The following METTL16 variants were observed in gnomAD, a reference collection of about 807,000 sequenced individuals.
METTL16 encodes RNA N(6)-adenosine-methyltransferase METTL16.
METTL16 carries 19 observed loss-of-function variants against 57.9 expected under a neutral mutation model. The ratio of observed to expected loss-of-function variants is 0.33; its 90% CI spans 0.23 to 0.48. The LOEUF is 0.48. Among genes scored for constraint, METTL16 ranks in the 20% least tolerant of loss-of-function variants. METTL16 has a pLI of 0.99. For missense variants in METTL16, 434 were observed against 691.5 expected (o/e 0.63, Z 4.18); for synonymous variants, 246 against 255.6 (o/e 0.96, Z 0.36).
chr17:2,468,927 G>T (rs1005845443), intron 4 of METTL16, among the ~76,000 whole-genome samples: 2 of 130,120 alleles, frequency 1.5e-5, no homozygotes, highest in African/African-American at 6.2e-5. Flanking sequence ...GTGTGTGTGT[G>T]TTTTTTTTTT....
intron 6 of METTL16, among the ~76,000 whole-genome samples, chr17:2,461,617 C>G (rs373964631): frequency 6.8e-6 from 1 of 147,204 alleles, no homozygotes; most frequent in African/African-American, 2.5e-5. Context: ...CACTCTGTCA[C>G]CCAGGCTGGA....
intron 1 of METTL16, among the ~76,000 whole-genome samples, chr17:2,506,357 T>C (rs2067534347): frequency 6.7e-6 from 1 of 149,718 alleles, no homozygotes; most frequent in Non-Finnish European, 1.5e-5. Context: ...ACTGTGCTGC[T>C]GCCATCTCGG....
chr17:2,449,355 A>G (rs969074972), intron 6 of METTL16, among the ~76,000 whole-genome samples: 1 of 152,160 alleles, frequency 6.6e-6, no homozygotes, highest in Non-Finnish European at 1.5e-5. Context: ...TGGAAATGCA[A>G]AAGATTTCAA....
intron 3 of METTL16, among the ~76,000 whole-genome samples, chr17:2,475,958 A>C (rs1277367399): frequency 6.6e-6 from 1 of 152,272 alleles, no homozygotes; most frequent in Non-Finnish European, 1.5e-5. Context: ...CTAGCTGAGA[A>C]GCAGAAGAGG....
At chr17:2,496,976 T>C (rs1368431485) in intron 2 of METTL16, among the ~76,000 whole-genome samples, 2 of 151,604 alleles carry the variant, frequency 1.3e-5, no homozygotes, top group African/African-American at 2.4e-5. Flanking sequence ...ATGCCACTTA[T>C]GTATGGCATA....
intron 5 of METTL16, 83 bp downstream of exon 5, chr17:2,467,678 G>T: frequency 1.0e-6 from 1 of 965,016 alleles, no homozygotes; most frequent in Non-Finnish European, 1.7e-6. Context: ...CACCCGCCTT[G>T]GCCTCCCAAA....
At chr17:2,481,924 G>A (rs2067309788) in intron 2 of METTL16, among the ~76,000 whole-genome samples, 1 of 152,118 alleles carries the variant, frequency 6.6e-6, no homozygotes, top group African/African-American at 2.4e-5. Context: ...GGTTAGGGAC[G>A]CAGTAGGGTA....
rs755674916 is a variant in METTL16 at position 2,420,750 on chromosome 17, T to C, written c.1043A>G (p.Lys348Arg). 1 of 1,613,576 alleles carries C rather than the reference T, an allele frequency of 6.2e-7. No homozygotes were observed. Among genetic ancestry groups the C allele is most frequent in the South Asian group, 1.1e-5 (1 of 90,846 alleles). Residue 348 changes from lysine to arginine, a missense_variant, in exon 9 of 10, where the codon AAA becomes AGA. This residue lies in a region of METTL16 where 26 missense variants were observed against 63.0 expected (regional missense o/e 0.41). Transcript: ENST00000263092. The surrounding 1 kb of genome is among the most constrained non-coding windows in gnomAD (Gnocchi z 5.4). ...GIVVVTTWIEKILTDLKVQHK... is the reference protein window; with the variant it reads ...GIVVVTTWIERILTDLKVQHK... The stretch of plus-strand genomic sequence containing the variant: ...AGGTACCTTCAAATCAGTGAGAATT[T>C]TTTCAATCCATGTCGTGACAACGAC...
intron 4 of METTL16, 93 bp downstream of exon 4, chr17:2,473,431 T>A: frequency 7.2e-7 from 1 of 1,387,004 alleles, no homozygotes; most frequent in African/African-American, 1.5e-5. Flanking sequence ...ATTACCGAAG[T>A]CTGTGTATTA....
chr17:2,473,512 T>C lies in METTL16; in HGVS notation c.469+12A>G. 5 of 1,604,818 alleles carry C rather than the reference T, an allele frequency of 3.1e-6. No individual in the cohort carries two copies. Among genetic ancestry groups the C allele is most frequent in the Non-Finnish European group, 4.3e-6 (5 of 1,176,292 alleles). On this transcript the variant is annotated intron_variant, in intron 4 of 9. Coordinates refer to ENST00000263092, the MANE Select transcript of METTL16 (RefSeq NM_024086.4). Reference sequence around the variant, plus strand: ...ACACAAAGTTTGGAGGCATTCATTCTGTGGCGCTAACCTTTTATGAGATCA... The same window carrying C: ...ACACAAAGTTTGGAGGCATTCATTCCGTGGCGCTAACCTTTTATGAGATCA...
chr17:2,477,795 C>T lies in METTL16; in HGVS notation c.219G>A (p.Glu73=). Residue 73 remains glutamate, a synonymous_variant, in exon 3 of 10, where the codon GAG becomes GAA. Transcript: ENST00000263092. The part of the protein sequence containing the change: ...DFGLSIDIPL[E]RLIPTVPLRL... ...TCAAGGGAACTGTGGGAATTAGTCT[C>T]TCCAATGGAATATCAATAGAAAGTC... The T allele has an allele frequency of 6.2e-7, 1 of 1,613,836 alleles. No individual in the cohort carries two copies. Among genetic ancestry groups the T allele is most frequent in the Non-Finnish European group, 8.5e-7 (1 of 1,179,720 alleles).
At chr17:2,507,020 G>A (rs539313108) in intron 1 of METTL16, among the ~76,000 whole-genome samples, 10 of 149,820 alleles carry the variant, frequency 6.7e-5, no homozygotes, top group Admixed American at 2.7e-4. Flanking sequence ...CAGCCACCCC[G>A]TCTGGGAAGT....
At chr17:2,493,927 A>T (rs114242409) in intron 2 of METTL16, among the ~76,000 whole-genome samples, 141 of 152,188 alleles carry the variant, frequency 9.3e-4, no homozygotes, top group African/African-American at 3.3e-3. Context: ...CTCATCTCTA[A>T]AAGAAAAACA....
chr17:2,503,031 C>T (rs916489484), intron 1 of METTL16, among the ~76,000 whole-genome samples: 4 of 152,160 alleles, frequency 2.6e-5, no homozygotes, highest in Admixed American at 6.5e-5. Context: ...TGTCGAAAAA[C>T]GCTTGGCGGT....
chr17:2,491,719 C>T (rs1225449724), intron 2 of METTL16, among the ~76,000 whole-genome samples: 3 of 149,400 alleles, frequency 2.0e-5, no homozygotes, highest in East Asian at 2.0e-4. Context: ...ATTAAAAATA[C>T]AAAAAATTAG....
chr17:2,426,030 C>CAAAA (rs71375599), intron 8 of METTL16, among the ~76,000 whole-genome samples: 3 of 93,152 alleles, frequency 3.2e-5, no homozygotes, highest in African/African-American at 1.1e-4. Flanking sequence ...ATGGCTAAGG[C>CAAAA]AAAAAAAAAA....
rs2066744157 is a variant in METTL16, at chr17:2,419,543, C to T, written c.*427G>A. 1 of 453,076 alleles carries T rather than the reference C, an allele frequency of 2.2e-6. No homozygotes were observed. Among genetic ancestry groups the T allele is most frequent in the Admixed American group, 2.4e-5 (1 of 42,078 alleles). The allele number at this position is 453,076 out of a possible 1,614,324, so 28.1% of individuals were successfully genotyped here. A position where few individuals can be genotyped will look rare whatever the true frequency, so the allele number is the denominator to read the frequency against. ...GTGACCTAGAACAGGGTACCAGGGC[C>T]TCCAGCTGGAGGCAGAGAGAGCCAC... On this transcript the variant is annotated 3_prime_UTR_variant, in exon 10 of 10. Transcript: ENST00000263092.
intron 2 of METTL16, among the ~76,000 whole-genome samples, chr17:2,484,173 A>G (rs1027787384): frequency 6.6e-6 from 1 of 152,234 alleles, no homozygotes; most frequent in Non-Finnish European, 1.5e-5. Flanking sequence ...AATAGTAACA[A>G]AAGTATTGCT....
intron 2 of METTL16, among the ~76,000 whole-genome samples, chr17:2,501,750 C>A (rs572494674): frequency 6.6e-6 from 1 of 151,670 alleles, no homozygotes; most frequent in Non-Finnish European, 1.5e-5. Flanking sequence ...CCCAGCTACT[C>A]AGGAGGCTGA....
Sources: allele counts gnomAD v4.1 joint callset (sites outside exome capture counted in the v4.1 genomes callset), GRCh38; gene constraint gnomAD v4.1.1; regional missense constraint gnomAD v4.1.1; non-coding constraint Gnocchi (gnomAD v3.1); transcripts MANE v1.5; gene names NCBI Gene and HGNC (gene_info 2026-07-23, HGNC 2026-07-21).